CDH17: variants seen among roughly 807,000 people sequenced by gnomAD.
The protein encoded by CDH17 is cadherin-17.
A neutral mutation model predicts 86.3 loss-of-function variants in CDH17; 67 were observed. The observed-to-expected ratio is 0.78, with a 90% CI of 0.64 to 0.95. The LOEUF (loss-of-function observed/expected upper bound fraction) is 0.95, where lower values mean the gene tolerates loss of function less well. CDH17 is among the 40% of genes least tolerant of loss of function. The pLI, the probability that CDH17 is intolerant of heterozygous loss-of-function variation, is 0.00. For synonymous variants in CDH17, 367 were observed against 366.4 expected, an observed-to-expected ratio of 1.00 and a Z score of -0.02; for missense variants, 993 against 1,017.6, an observed-to-expected ratio of 0.98 and a Z score of 0.33.
chr8:94,185,562 T>C (rs1202899115), intron 3 of CDH17, among the ~76,000 whole-genome samples: 1 of 152,198 alleles, frequency 6.6e-6, no homozygotes, highest in East Asian at 1.9e-4. Flanking sequence ...CTATGTACAA[T>C]CCTGATTGTC....
In CDH17 at chr8:94,130,745, A is replaced by G; in HGVS notation, c.2285-6T>C. On this transcript the variant is annotated splice_region_variant and splice_polypyrimidine_tract_variant and intron_variant, in intron 16 of 17. Coordinates refer to ENST00000027335, the MANE Select transcript of CDH17 (RefSeq NM_004063.4). ...CACACAACTGCAGAATGTAACTGAA[A>G]AGCAGGACAGTATTTGGTAGGATAA... The G allele has an allele frequency of 6.2e-7, 1 of 1,608,660 alleles. No individual in the cohort carries two copies. The highest frequency in any genetic ancestry group is 8.5e-7 in the Non-Finnish European group (1 of 1,174,996).
At chr8:94,216,720 T>G (rs1814199898) in intron 1 of CDH17, among the ~76,000 whole-genome samples, 1 of 152,102 alleles carries the variant, frequency 6.6e-6, no homozygotes, top group Non-Finnish European at 1.5e-5. Flanking sequence ...CTAAAGAAAA[T>G]CAATGGTAGT....
intron 2 of CDH17, among the ~76,000 whole-genome samples, chr8:94,193,829 T>A (rs1472597124): frequency 1.1e-4 from 17 of 152,214 alleles, no homozygotes; most frequent in African/African-American, 4.1e-4. Flanking sequence ...ACACTGTCAC[T>A]ATGTGAGCTC....
chr8:94,170,851 C>G lies in CDH17; in HGVS notation c.915+3G>C. ...GCCTGTGAAACTCTTCTCTTTTACTCACTGCATCCTTTTCTTCTCGGTCCA... is the reference window on the plus strand; with the variant it reads ...GCCTGTGAAACTCTTCTCTTTTACTGACTGCATCCTTTTCTTCTCGGTCCA... On this transcript the variant is annotated splice_donor_region_variant and intron_variant, in intron 8 of 17. Transcript: ENST00000027335. 1 of 1,612,966 alleles carries G rather than the reference C, an allele frequency of 6.2e-7. No homozygotes were observed. Among genetic ancestry groups the G allele is most frequent in the African/African-American group, 1.3e-5 (1 of 74,900 alleles).
chr8:94,166,098 T>A (rs1813148918), intron 9 of CDH17, 122 bp from the exon 10 acceptor site: 1 of 653,224 alleles, frequency 1.5e-6, no homozygotes. Flanking sequence ...AGCAGACAAA[T>A]GCTCTTAGAG....
intron 12 of CDH17, among the ~76,000 whole-genome samples, chr8:94,158,910 T>A (rs1158716370): frequency 3.9e-5 from 6 of 152,212 alleles, no homozygotes; most frequent in Admixed American, 3.9e-4. Context: ...TTAGCCTCTT[T>A]CAGTTTTCTT....
chr8:94,146,764 G>A (rs1216549050), intron 14 of CDH17, among the ~76,000 whole-genome samples: 2 of 152,226 alleles, frequency 1.3e-5, no homozygotes, highest in Non-Finnish European at 2.9e-5. Flanking sequence ...ACGTTATAGT[G>A]TTGTATGAGG....
At chr8:94,188,776 GC>G in intron 3 of CDH17, among the ~76,000 whole-genome samples, 1 of 152,256 alleles carries the variant, frequency 6.6e-6, no homozygotes, top group African/African-American at 2.4e-5. Flanking sequence ...CAGTCCTCTG[GC>G]CAGAAAGCTC....
chr8:94,210,713 T>C (rs960054298), upstream of CDH17, among the ~76,000 whole-genome samples: 1 of 152,176 alleles, frequency 6.6e-6, no homozygotes, highest in Non-Finnish European at 1.5e-5. Context: ...AAAGGAGGTA[T>C]GATTTATAGG....
chr8:94,130,776 C>A (rs772678822), intron 16 of CDH17, 37 bp from the exon 17 acceptor site: 1 of 1,560,734 alleles, frequency 6.4e-7, no homozygotes, highest in Non-Finnish European at 8.8e-7. Context: ...GATAAATTCT[C>A]AAGTGAATAG....
At chr8:94,133,296 G>T (rs1812456657) in intron 15 of CDH17, among the ~76,000 whole-genome samples, 1 of 152,196 alleles carries the variant, frequency 6.6e-6, no homozygotes, top group Admixed American at 6.5e-5. Flanking sequence ...CTGTCCACGA[G>T]CATGGAATGT....
At chr8:94,162,865 G>A (rs755685316) in intron 10 of CDH17, among the ~76,000 whole-genome samples, 10 of 152,136 alleles carry the variant, frequency 6.6e-5, no homozygotes, top group African/African-American at 9.7e-5. Flanking sequence ...GGATGCCTGG[G>A]GGAGAGAGAA....
intron 12 of CDH17, among the ~76,000 whole-genome samples, chr8:94,155,931 A>G (rs1812936656): frequency 1.3e-5 from 2 of 152,232 alleles, no homozygotes; most frequent in Non-Finnish European, 2.9e-5. Context: ...TTCTGGAGAA[A>G]TCATTATAAA....
chr8:94,148,122 C>T (rs1812781006), intron 14 of CDH17, among the ~76,000 whole-genome samples: 3 of 152,218 alleles, frequency 2.0e-5, no homozygotes, highest in African/African-American at 7.2e-5. Flanking sequence ...CCCACAACCA[C>T]ATTGGAAGAA....
chr8:94,188,164 T>C (rs952326105), intron 3 of CDH17, among the ~76,000 whole-genome samples: 18 of 152,202 alleles, frequency 1.2e-4, no homozygotes, highest in African/African-American at 3.4e-4. Context: ...TGGTGTATTA[T>C]GGTCATGGAA....
intron 15 of CDH17, among the ~76,000 whole-genome samples, chr8:94,144,840 T>A (rs1812709149): frequency 1.3e-5 from 2 of 152,210 alleles, no homozygotes. Context: ...GCCTAATTTT[T>A]AAAAAATGAA....
intron 15 of CDH17, 34 bp from the exon 16 acceptor site, chr8:94,131,026 C>A (rs1306272631): frequency 9.3e-7 from 1 of 1,073,244 alleles, no homozygotes; most frequent in South Asian, 1.3e-5. Context: ...GAAAATACAA[C>A]TTCAGACCCT....
chr8:94,137,103 C>T (rs1812544829), intron 15 of CDH17, among the ~76,000 whole-genome samples: 1 of 152,210 alleles, frequency 6.6e-6, no homozygotes, highest in Admixed American at 6.5e-5. Flanking sequence ...GGGTTTGGGA[C>T]CCACTTGAGG....
intron 1 of CDH17, chr8:94,201,978 G>A: frequency 4.3e-6 from 1 of 230,356 alleles, no homozygotes; most frequent in Non-Finnish European, 8.6e-6. Context: ...AGGTAGCCCT[G>A]GAGCTGAGGA....
Sources: allele counts gnomAD v4.1 joint callset (sites outside exome capture counted in the v4.1 genomes callset), GRCh38; gene constraint gnomAD v4.1.1; transcripts MANE v1.5; gene names NCBI Gene and HGNC (gene_info 2026-07-23, HGNC 2026-07-21).